GALNT17: variants seen among roughly 807,000 people sequenced by gnomAD.
GALNT17 encodes the protein polypeptide N-acetylgalactosaminyltransferase 17, also known as UDP-GalNAc:polypeptide N-acetylgalactosaminyltransferase-like 3.
GALNT17 carries 29 observed loss-of-function variants against 63.7 expected under a neutral mutation model. That is an observed-to-expected ratio of 0.46 (90% CI 0.34 to 0.62). The LOEUF is 0.62. Ranked by LOEUF, GALNT17 falls within the 20% of genes least tolerant of loss-of-function variation. The pLI is 0.01. For missense variants in GALNT17, 603 were observed against 799.6 expected (o/e 0.75, Z 2.97); for synonymous variants, 305 against 318.3 (o/e 0.96, Z 0.45).
intron 1 of GALNT17, among the ~76,000 whole-genome samples, chr7:71,182,150 G>A (rs1054256531): frequency 6.6e-6 from 1 of 152,182 alleles, no homozygotes; most frequent in African/African-American, 2.4e-5. Flanking sequence ...ACTCCAGCCT[G>A]GGCATCAAGA....
At chr7:71,155,917 C>T (rs1188846969) in intron 1 of GALNT17, among the ~76,000 whole-genome samples, 1 of 151,930 alleles carries the variant, frequency 6.6e-6, no homozygotes, top group Non-Finnish European at 1.5e-5. Context: ...TCATTCTTGG[C>T]TGGGCTCAGT....
chr7:71,678,593 C>T (rs1402610562), intron 9 of GALNT17, among the ~76,000 whole-genome samples: 1 of 151,666 alleles, frequency 6.6e-6, no homozygotes, highest in East Asian at 2.0e-4. Context: ...GTCAGGAGAT[C>T]GAGACCATCC....
intron 1 of GALNT17, among the ~76,000 whole-genome samples, chr7:71,164,747 A>T (rs1788407089): frequency 6.6e-6 from 1 of 152,202 alleles, no homozygotes; most frequent in Non-Finnish European, 1.5e-5. Context: ...GCTGTCAGTC[A>T]TTCATTCACT....
chr7:71,441,612 T>C (rs1036280674), intron 5 of GALNT17, among the ~76,000 whole-genome samples: 1 of 152,154 alleles, frequency 6.6e-6, no homozygotes, highest in African/African-American at 2.4e-5. Flanking sequence ...CATTAGGTAT[T>C]TGTCCTAATG....
intron 1 of GALNT17, among the ~76,000 whole-genome samples, chr7:71,306,997 T>A (rs1179577775): frequency 6.6e-6 from 1 of 152,096 alleles, no homozygotes; most frequent in East Asian, 1.9e-4. Context: ...CTAATTTTTG[T>A]ATTTTTAGTG....
intron 2 of GALNT17, among the ~76,000 whole-genome samples, chr7:71,339,563 G>A (rs898904027): frequency 2.0e-5 from 3 of 152,110 alleles, no homozygotes; most frequent in East Asian, 1.9e-4. Context: ...GGTGGTGCAC[G>A]CCTGTGGTCC....
In GALNT17 at chr7:71,415,983, C is replaced by T. The variant is rs148070000; in HGVS notation, c.684C>T (p.Arg228=). Residue 228 remains arginine, a synonymous_variant, in exon 4 of 11, where the codon CGC becomes CGT. Coordinates refer to ENST00000333538, the MANE Select transcript of GALNT17 (RefSeq NM_022479.3). ...ATCAGAAGAGGGAAGGCCTGATCCG[C>T]GCTCGCATTGAGGGCTGGAAGGTGG... ...VRNQKREGLI[R]ARIEGWKVAT... 37 of 1,613,820 alleles carry T rather than the reference C, an allele frequency of 2.3e-5. No individual in the cohort carries two copies. The highest frequency in any genetic ancestry group is 1.8e-4 in the East Asian group (8 of 44,854).
At chr7:71,623,250 A>C (rs980879568) in intron 6 of GALNT17, among the ~76,000 whole-genome samples, 1 of 152,062 alleles carries the variant, frequency 6.6e-6, no homozygotes, top group Non-Finnish European at 1.5e-5. Context: ...CCTTTTCCTC[A>C]TCAGAAAATG....
chr7:71,391,108 T>TC (rs1268628483), intron 3 of GALNT17, among the ~76,000 whole-genome samples: 1 of 152,090 alleles, frequency 6.6e-6, no homozygotes, highest in Non-Finnish European at 1.5e-5. Flanking sequence ...TGGTTGAAAC[T>TC]CAGTAAGTCT....
intron 6 of GALNT17, among the ~76,000 whole-genome samples, chr7:71,621,708 T>A (rs1387356669): frequency 6.6e-6 from 1 of 152,252 alleles, no homozygotes; most frequent in Non-Finnish European, 1.5e-5. Context: ...ATTTTTTTCT[T>A]CTGTTTTTGA....
At chr7:71,237,396 C>T (rs539293785) in intron 1 of GALNT17, among the ~76,000 whole-genome samples, 26 of 151,236 alleles carry the variant, frequency 1.7e-4, no homozygotes, top group Admixed American at 5.3e-4. Context: ...AGGGCCAGCC[C>T]TGGGTAGATG....
chr7:71,437,509 G>A lies in GALNT17; in HGVS notation c.962+16404G>A, dbSNP rs116243694. Among the ~76,000 whole-genome samples, 198 of 152,282 alleles carry A rather than the reference G, an allele frequency of 1.3e-3. 1 individual carries two copies. The highest frequency in any genetic ancestry group is 4.3e-3 in the African/African-American group (179 of 41,558). The stretch of plus-strand genomic sequence containing the variant: ...CTGGGAAAGTAGGTACAGTTCACAA[G>A]GTGACACGGGATATCACTCCCTAGT... On this transcript the variant is annotated intron_variant, in intron 5 of 10. Transcript: ENST00000333538.
intron 5 of GALNT17, 35 bp from the exon 6 acceptor site, chr7:71,571,250 C>T (rs1279386896): frequency 1.9e-5 from 30 of 1,594,260 alleles, no homozygotes; most frequent in Admixed American, 6.7e-5. Flanking sequence ...GGCACTGACA[C>T]CTCAATGAGC....
intron 1 of GALNT17, among the ~76,000 whole-genome samples, chr7:71,166,350 G>A (rs1409263072): frequency 6.6e-6 from 1 of 152,094 alleles, no homozygotes; most frequent in African/African-American, 2.4e-5. Flanking sequence ...GTTTTATTGA[G>A]GTATAATTGA....
chr7:71,337,904 A>C (rs564048407), intron 2 of GALNT17, among the ~76,000 whole-genome samples: 5 of 151,898 alleles, frequency 3.3e-5, no homozygotes, highest in African/African-American at 9.7e-5. Context: ...ACAACAACAA[A>C]AAAACTTGGG....
intron 2 of GALNT17, among the ~76,000 whole-genome samples, chr7:71,378,777 A>G (rs1792790256): frequency 6.6e-6 from 1 of 151,960 alleles, no homozygotes; most frequent in African/African-American, 2.4e-5. Flanking sequence ...TGAGGTCAGG[A>G]GTTGGAGACC....
intron 5 of GALNT17, among the ~76,000 whole-genome samples, chr7:71,448,727 C>G (rs1373898298): frequency 6.6e-6 from 1 of 152,066 alleles, no homozygotes; most frequent in Admixed American, 6.6e-5. Context: ...AATACAGGCG[C>G]AAAAGGATGC....
chr7:71,418,454 C>T (rs759619659), intron 4 of GALNT17, among the ~76,000 whole-genome samples: 10 of 152,168 alleles, frequency 6.6e-5, no homozygotes, highest in African/African-American at 1.4e-4. Flanking sequence ...ACGTCAGCTG[C>T]GGTTGTCTGG....
intron 1 of GALNT17, 25 bp downstream of exon 1, chr7:71,133,065 G>A: frequency 6.6e-7 from 1 of 1,511,052 alleles, no homozygotes; most frequent in Non-Finnish European, 8.8e-7. Flanking sequence ...CGGCGCCTCC[G>A]GGGCTCGACG....
Sources: gnomAD v4.1 joint callset for allele counts (sites outside exome capture counted in the v4.1 genomes callset) on GRCh38, gnomAD v4.1.1 for gene constraint, MANE v1.5 for transcripts, NCBI Gene and HGNC (gene_info 2026-07-23, HGNC 2026-07-21) for gene names.